DLG2: variants seen among roughly 807,000 people sequenced by gnomAD.
DLG2 encodes disks large homolog 2.
DLG2 carries 45 observed loss-of-function variants against 132.5 expected under a neutral mutation model. The observed-to-expected ratio is 0.34, with a 90% CI of 0.27 to 0.44. The LOEUF (loss-of-function observed/expected upper bound fraction) is 0.44, where lower values mean the gene tolerates loss of function less well. Among genes scored for constraint, DLG2 ranks in the 20% least tolerant of loss-of-function variants. DLG2 has a pLI of 1.00. For synonymous variants in DLG2, 424 were observed against 419.6 expected, an observed-to-expected ratio of 1.01 and a Z score of -0.13; for missense variants, 1,045 against 1,196.9, an observed-to-expected ratio of 0.87 and a Z score of 1.87.
chr11:84,738,358 T>G (rs569808450), intron 6 of DLG2, among the ~76,000 whole-genome samples: 1 of 152,018 alleles, frequency 6.6e-6, no homozygotes, highest in Non-Finnish European at 1.5e-5. Context: ...TTGGCCTTAG[T>G]TGGTGCCAGA....
At chr11:84,160,287 C>T (rs2095517698) in intron 9 of DLG2, among the ~76,000 whole-genome samples, 1 of 152,002 alleles carries the variant, frequency 6.6e-6, no homozygotes, top group African/African-American at 2.4e-5. Flanking sequence ...AAAGGGCAGC[C>T]ATTGAGGTGG....
chr11:85,203,340 T>C (rs1023150143), intron 4 of DLG2, among the ~76,000 whole-genome samples: 28 of 151,598 alleles, frequency 1.8e-4, no homozygotes, highest in African/African-American at 6.8e-4. Context: ...AGAAGAGCCA[T>C]ATAAACAAAA....
At chr11:84,381,775 G>A (rs1208295904) in intron 7 of DLG2, among the ~76,000 whole-genome samples, 3 of 152,140 alleles carry the variant, frequency 2.0e-5, no homozygotes, top group African/African-American at 4.8e-5. Flanking sequence ...TTTATCAGAA[G>A]GAATGTGGGA....
At chr11:84,922,975 C>T in intron 6 of DLG2, 1 of 1,440,846 alleles carries the variant, frequency 6.9e-7, no homozygotes, top group Non-Finnish European at 9.7e-7. Context: ...TCTGCCTGCT[C>T]AGCCAGCAAT....
At position 84,172,691 on chromosome 11, in the gene DLG2, C is replaced by T. The variant is rs960625501; in HGVS notation, c.574-9180G>A. ...CCAAGTAGCTGTGATTACAGGCACC[C>T]GCCACCATGCGCAGCTAATTTTTGT... On this transcript the variant is annotated intron_variant, in intron 8 of 27. Transcript: ENST00000376104. 1.1e-4 allele frequency among the ~76,000 whole-genome samples: 16 copies of T among 151,954 alleles called. No individual in the cohort carries two copies. The East Asian group carries it at 1.4e-3, about 13-fold the overall frequency.
intron 6 of DLG2, among the ~76,000 whole-genome samples, chr11:84,670,410 AG>A (rs1355181938): frequency 6.6e-6 from 1 of 152,096 alleles, no homozygotes; most frequent in Non-Finnish European, 1.5e-5. Context: ...GAGGAAAAAG[AG>A]TAACTTCAGT....
chr11:83,534,382 G>A (rs2141162336), intron 20 of DLG2, among the ~76,000 whole-genome samples: 1 of 152,210 alleles, frequency 6.6e-6, no homozygotes, highest in East Asian at 1.9e-4. Context: ...TTAAAGATGT[G>A]GGGGAAAAAA....
rs528687425 is a variant in DLG2 at position 85,073,344 on chromosome 11, G to C, written c.357+38317C>G. On this transcript the variant is annotated intron_variant, in intron 6 of 27. Coordinates refer to ENST00000376104, the MANE Select transcript of DLG2 (RefSeq NM_001142699.3). ...ACTGGAAATGGCACAGAGAAAGAAG[G>C]CTTGTGCCATGGTAGTGGCTGAATA... Among the ~76,000 whole-genome samples the C allele has an allele frequency of 1.3e-5, 2 of 151,926 alleles. 1 individual carries two copies. Among genetic ancestry groups the C allele is most frequent in the South Asian group, 4.1e-4 (2 of 4,820 alleles).
intron 6 of DLG2, among the ~76,000 whole-genome samples, chr11:84,970,528 G>A (rs2053961234): frequency 6.6e-6 from 1 of 152,172 alleles, no homozygotes; most frequent in South Asian, 2.1e-4. Flanking sequence ...TCCAGCAGAT[G>A]TGATGACTGC....
At chr11:85,151,228 T>C (rs1309804933) in intron 5 of DLG2, among the ~76,000 whole-genome samples, 1 of 152,224 alleles carries the variant, frequency 6.6e-6, no homozygotes, top group Non-Finnish European at 1.5e-5. Context: ...TTATTTGTTG[T>C]TGAGTTGTAG....
chr11:83,685,870 A>T (rs184541226), intron 18 of DLG2, among the ~76,000 whole-genome samples: 43 of 152,244 alleles, frequency 2.8e-4, no homozygotes, highest in African/African-American at 9.6e-4. Flanking sequence ...GCACCATTTA[A>T]ATAAATGGCG....
intron 9 of DLG2, among the ~76,000 whole-genome samples, chr11:84,116,568 A>G (rs2093643367): frequency 6.6e-6 from 1 of 152,190 alleles, no homozygotes; most frequent in Admixed American, 6.5e-5. Context: ...ATTCACTATC[A>G]GGAGAACGAC....
At chr11:84,962,846 G>A (rs988344017) in intron 6 of DLG2, among the ~76,000 whole-genome samples, 1 of 152,188 alleles carries the variant, frequency 6.6e-6, no homozygotes, top group African/African-American at 2.4e-5. Flanking sequence ...TCAAAGCTAA[G>A]TATTCTGGCA....
chr11:85,084,361 T>C (rs1286547259), intron 6 of DLG2, among the ~76,000 whole-genome samples: 1 of 152,118 alleles, frequency 6.6e-6, no homozygotes, highest in East Asian at 1.9e-4. Flanking sequence ...TAAGAAAATA[T>C]GGAAGTAGGG....
At position 85,273,249 on chromosome 11, in the gene DLG2, C is replaced by T. The variant is rs565717159; in HGVS notation, c.186+11971G>A. 1.4e-4 allele frequency among the ~76,000 whole-genome samples: 21 copies of T among 152,192 alleles called. 1 individual carries two copies. In the East Asian group the frequency reaches 4.1e-3, roughly 29 times the overall value. ...CAATGGCAACAAAAGCCAAAATTGA[C>T]AAATGGGATCTAATTAAACTAAAGA... On this transcript the variant is annotated intron_variant, in intron 4 of 27. Coordinates refer to ENST00000376104, the MANE Select transcript of DLG2 (RefSeq NM_001142699.3).
chr11:84,550,151 T>C (rs79969938), intron 6 of DLG2, among the ~76,000 whole-genome samples: 53 of 131,842 alleles, frequency 4.0e-4, no homozygotes, highest in East Asian at 9.6e-4. Context: ...CACACACACA[T>C]ACACACACAT....
intron 6 of DLG2, among the ~76,000 whole-genome samples, chr11:85,083,335 T>C (rs149105063): frequency 1.3e-5 from 2 of 152,220 alleles, no homozygotes; most frequent in East Asian, 1.9e-4. Flanking sequence ...CAAGCACCAA[T>C]AGGAGATTTG....
chr11:85,005,958 C>G (rs952292469), intron 6 of DLG2, among the ~76,000 whole-genome samples: 3 of 152,124 alleles, frequency 2.0e-5, no homozygotes, highest in Non-Finnish European at 4.4e-5. Context: ...TATCGAAGGC[C>G]TTTTCTGCAT....
chr11:85,434,311 A>C (rs1434350562), intron 3 of DLG2, among the ~76,000 whole-genome samples: 22 of 152,130 alleles, frequency 1.4e-4, no homozygotes, highest in Admixed American at 1.4e-3. Flanking sequence ...AAGAAGAGAA[A>C]TAACTAAGAT....
Sources: allele counts gnomAD v4.1 joint callset (sites outside exome capture counted in the v4.1 genomes callset), GRCh38; gene constraint gnomAD v4.1.1; transcripts MANE v1.5; gene names NCBI Gene and HGNC (gene_info 2026-07-23, HGNC 2026-07-21).